Variants in CACNB4 observed in about 807,000 individuals in gnomAD.
CACNB4 encodes the protein voltage-dependent L-type calcium channel subunit beta-4.
In CACNB4, 32 loss-of-function variants were observed where a neutral mutation model predicts 71.2. The observed-to-expected ratio is 0.45, with a 90% CI of 0.34 to 0.60. CACNB4 has a LOEUF of 0.60. CACNB4 is among the 20% of genes least tolerant of loss of function. The pLI, the probability that CACNB4 is intolerant of heterozygous loss-of-function variation, is 0.01. For missense variants in CACNB4, 464 were observed against 647.9 expected, an observed-to-expected ratio of 0.72 and a Z score of 3.08; for synonymous variants, 231 against 236.9, an observed-to-expected ratio of 0.97 and a Z score of 0.23.
chr2:151,886,903 T>A (rs1347957582), intron 2 of CACNB4, among the ~76,000 whole-genome samples: 1 of 152,124 alleles, frequency 6.6e-6, no homozygotes, highest in African/African-American at 2.4e-5. Flanking sequence ...AGGATCTGTG[T>A]TATTTACAAA....
intron 2 of CACNB4, among the ~76,000 whole-genome samples, chr2:152,000,057 T>C (rs1682311876): frequency 6.6e-6 from 1 of 152,242 alleles, no homozygotes; most frequent in Admixed American, 6.5e-5. Context: ...AAGAATATCA[T>C]ACTCCGACTT....
intron 8 of CACNB4, 174 bp from the exon 9 acceptor site, chr2:151,869,409 A>G: frequency 1.8e-6 from 1 of 550,180 alleles, no homozygotes; most frequent in Non-Finnish European, 3.3e-6. Flanking sequence ...ACCATGTGCA[A>G]TTGCTAATTT....
intron 12 of CACNB4, among the ~76,000 whole-genome samples, chr2:151,842,824 T>C (rs1027292179): frequency 6.6e-6 from 1 of 152,198 alleles, no homozygotes; most frequent in Non-Finnish European, 1.5e-5. Context: ...TTTTGGGCAA[T>C]GACCACATCA....
At chr2:151,862,870 T>C (rs1028917359) in intron 9 of CACNB4, among the ~76,000 whole-genome samples, 6 of 152,160 alleles carry the variant, frequency 3.9e-5, no homozygotes, top group Non-Finnish European at 2.9e-5. Context: ...TCTCAAGCTA[T>C]GAGTCAAGTG....
intron 3 of CACNB4, 39 bp from the exon 4 acceptor site, chr2:151,880,961 G>C: frequency 6.4e-7 from 1 of 1,551,796 alleles, no homozygotes. Flanking sequence ...GAGGAAGGGA[G>C]GAGAGAGGAG....
intron 2 of CACNB4, among the ~76,000 whole-genome samples, chr2:152,021,830 C>T (rs1683684099): frequency 2.0e-5 from 3 of 152,208 alleles, no homozygotes; most frequent in Admixed American, 2.0e-4. Context: ...TCAACTCTCA[C>T]ATCTAACTCT....
rs1006439366 is a variant in CACNB4 at position 151,953,586 on chromosome 2, C to A, written c.148-70216G>T. On this transcript the variant is annotated intron_variant, in intron 2 of 13. Coordinates refer to ENST00000539935, the MANE Select transcript of CACNB4 (RefSeq NM_000726.5). ...TAAGGGAAAGAATTTGTGTGGAGCA[C>A]AATTGTCCAAATCCAAACAGTTAGT... Among the ~76,000 whole-genome samples, 3 of 152,182 alleles carry A rather than the reference C, an allele frequency of 2.0e-5. 1 individual carries two copies. In the South Asian group the frequency reaches 6.2e-4, roughly 31 times the overall value.
At chr2:151,932,948 C>T (rs2099861995) in intron 2 of CACNB4, among the ~76,000 whole-genome samples, 1 of 151,698 alleles carries the variant, frequency 6.6e-6, no homozygotes, top group African/African-American at 2.4e-5. Context: ...CCAAGAATAC[C>T]TGGGCTATGA....
chr2:151,969,434 T>G (rs2099871952), intron 2 of CACNB4: 1 of 152,218 alleles, frequency 6.6e-6, no homozygotes, highest in Non-Finnish European at 1.5e-5. Flanking sequence ...TTAAAATAAC[T>G]TTACTATATC....
intron 13 of CACNB4, among the ~76,000 whole-genome samples, chr2:151,841,081 A>G (rs1372200236): frequency 6.6e-6 from 1 of 152,220 alleles, no homozygotes; most frequent in East Asian, 1.9e-4. Flanking sequence ...GGGCACCTGC[A>G]CAGCCCCAAG....
intron 2 of CACNB4, among the ~76,000 whole-genome samples, chr2:152,017,843 CT>C (rs577706762): frequency 1.2e-4 from 17 of 147,316 alleles, no homozygotes; most frequent in African/African-American, 2.5e-4. Flanking sequence ...CAATTCTTTT[CT>C]TTTTTTTTTA....
chr2:151,953,886 G>T (rs1044835414), intron 2 of CACNB4, among the ~76,000 whole-genome samples: 5 of 152,312 alleles, frequency 3.3e-5, no homozygotes, highest in African/African-American at 1.2e-4. Flanking sequence ...TCTGACAAAC[G>T]TGTTCACCCC....
chr2:151,886,257 G>C (rs1038531220), intron 2 of CACNB4, among the ~76,000 whole-genome samples: 4 of 152,194 alleles, frequency 2.6e-5, no homozygotes, highest in Non-Finnish European at 5.9e-5. Flanking sequence ...ACTGTGGTAC[G>C]TAAGTCAGGA....
intron 2 of CACNB4, among the ~76,000 whole-genome samples, chr2:151,906,616 C>G (rs576163866): frequency 6.6e-6 from 1 of 152,294 alleles, no homozygotes; most frequent in African/African-American, 2.4e-5. Context: ...TGGTCTTTAT[C>G]TTTTGCTGTC....
chr2:151,962,494 C>A (rs1271512688), intron 2 of CACNB4, among the ~76,000 whole-genome samples: 1 of 152,008 alleles, frequency 6.6e-6, no homozygotes. Context: ...CTGAATCATG[C>A]AAATGTTTCT....
chr2:151,875,469 C>T (rs1246490572), intron 5 of CACNB4, among the ~76,000 whole-genome samples: 7 of 151,902 alleles, frequency 4.6e-5, no homozygotes, highest in African/African-American at 1.5e-4. Flanking sequence ...TCCACAAAAC[C>T]GCCATCGTCA....
intron 2 of CACNB4, among the ~76,000 whole-genome samples, chr2:151,898,618 A>G (rs569945033): frequency 6.6e-6 from 1 of 152,346 alleles, no homozygotes; most frequent in South Asian, 2.1e-4. Flanking sequence ...GCTATTTTTT[A>G]AAAATTCTAT....
intron 2 of CACNB4, among the ~76,000 whole-genome samples, chr2:151,985,664 G>A (rs1019003014): frequency 1.6e-5 from 2 of 126,230 alleles, no homozygotes; most frequent in Non-Finnish European, 3.5e-5. Context: ...ATCCACCGCT[G>A]CCTTAATTTT....
intron 2 of CACNB4, among the ~76,000 whole-genome samples, chr2:151,997,607 T>C (rs936313186): frequency 4.0e-5 from 6 of 151,628 alleles, no homozygotes; most frequent in South Asian, 2.1e-4. Flanking sequence ...AATGCTGAGA[T>C]TGGAGTGATG....
Sources: allele counts gnomAD v4.1 joint callset (sites outside exome capture counted in the v4.1 genomes callset), GRCh38; gene constraint gnomAD v4.1.1; transcripts MANE v1.5; gene names NCBI Gene and HGNC (gene_info 2026-07-23, HGNC 2026-07-21).